Variants in FGD4 observed in about 807,000 individuals in gnomAD.
FGD4 encodes the protein FYVE, RhoGEF and PH domain containing 4.
Under a neutral mutation model 102.0 loss-of-function variants are expected in FGD4, and 42 were observed. The ratio of observed to expected loss-of-function variants is 0.41; its 90% CI spans 0.32 to 0.53. The LOEUF (loss-of-function observed/expected upper bound fraction) is 0.53. FGD4 is among the 20% of genes least tolerant of loss of function. The pLI is 0.21. For missense variants in FGD4, 902 were observed against 1,078.2 expected (o/e 0.84, Z 2.29); for synonymous variants, 380 against 375.7 (o/e 1.01, Z -0.13).
chr12:32,602,711 T>C (rs1948501616), intron 7 of FGD4, among the ~76,000 whole-genome samples: 1 of 152,248 alleles, frequency 6.6e-6, no homozygotes, highest in Admixed American at 6.5e-5. Context: ...GATATCTGTG[T>C]CCTCATTTTC....
intron 4 of FGD4, among the ~76,000 whole-genome samples, chr12:32,585,032 G>A (rs567520306): frequency 7.9e-5 from 12 of 151,660 alleles, no homozygotes; most frequent in Admixed American, 3.3e-4. Flanking sequence ...ACCAACCTGA[G>A]CAACGTGGCA....
intron 1 of FGD4, among the ~76,000 whole-genome samples, chr12:32,500,837 A>C (rs1938163872): frequency 6.6e-6 from 1 of 152,184 alleles, no homozygotes; most frequent in Non-Finnish European, 1.5e-5. Context: ...CTAAATTTGC[A>C]CTAGAATTTT....
At position 32,399,974 on chromosome 12, in the gene FGD4, G is replaced by A; in HGVS notation, c.166+15G>A. 1.4e-6 allele frequency: 2 copies of A among 1,448,630 alleles called. No homozygotes were observed. Among genetic ancestry groups the A allele is most frequent in the Admixed American group, 2.6e-5 (1 of 38,790 alleles). The allele number at this position is 1,448,630 out of a possible 1,614,324, so 89.7% of individuals were successfully genotyped here. A position where few individuals can be genotyped will look rare whatever the true frequency, so the allele number is the denominator to read the frequency against. ...AGGAGCCACAGGTAAGCGCCTCGGGGCGCGGGGGAAGGGTGGCCCCGGCGC... is the reference window on the plus strand; with the variant it reads ...AGGAGCCACAGGTAAGCGCCTCGGGACGCGGGGGAAGGGTGGCCCCGGCGC... On this transcript the variant is annotated intron_variant, in intron 1 of 16. Transcript: ENST00000534526.
intron 1 of FGD4, among the ~76,000 whole-genome samples, chr12:32,456,370 T>TA (rs914941844): frequency 4.6e-5 from 7 of 152,306 alleles, no homozygotes; most frequent in Non-Finnish European, 1.0e-4. Flanking sequence ...CAGTTACCCT[T>TA]TAGTCAATCT....
At chr12:32,622,943 G>C (rs956604655) in intron 11 of FGD4, among the ~76,000 whole-genome samples, 2 of 152,158 alleles carry the variant, frequency 1.3e-5, no homozygotes, top group Non-Finnish European at 2.9e-5. Context: ...GAAAGTCAGA[G>C]TGCCATAGGA....
rs115946287 is a variant in FGD4 at position 32,512,521 on chromosome 12, C to T, written c.167-51616C>T. On this transcript the variant is annotated intron_variant, in intron 1 of 16. Transcript: ENST00000534526. ...TCTCAGCCTTCAGTTTCTGGTGCTA[C>T]ATCACTTGGGACTCACACGCCAAGC... 2.0e-3 allele frequency among the ~76,000 whole-genome samples: 311 copies of T among 152,128 alleles called. 3 individuals carry two copies. Among genetic ancestry groups the T allele is most frequent in the African/African-American group, 7.2e-3 (300 of 41,504 alleles).
chr12:32,423,591 CAAAAAA>C (rs35872227), intron 1 of FGD4, among the ~76,000 whole-genome samples: 1 of 72,894 alleles, frequency 1.4e-5, no homozygotes. Flanking sequence ...GACTTCATCT[CAAAAAA>C]AAAAAAAAAA....
chr12:32,623,917 G>C (rs540710691), intron 11 of FGD4, among the ~76,000 whole-genome samples: 26 of 152,196 alleles, frequency 1.7e-4, no homozygotes, highest in African/African-American at 5.8e-4. Flanking sequence ...GTTAGGTTTG[G>C]TATTGCCTAA....
intron 2 of FGD4, among the ~76,000 whole-genome samples, chr12:32,571,056 T>C (rs1460800280): frequency 6.6e-6 from 1 of 152,266 alleles, no homozygotes; most frequent in African/African-American, 2.4e-5. Flanking sequence ...TAAATCATTT[T>C]CTAGTCATTT....
intron 1 of FGD4, among the ~76,000 whole-genome samples, chr12:32,454,760 C>A (rs1347186141): frequency 6.6e-6 from 1 of 152,132 alleles, no homozygotes; most frequent in East Asian, 1.9e-4. Context: ...TTGCTGGTAT[C>A]TTAAATTGAC....
rs146552846 is a variant in FGD4, at chr12:32,621,114, C to T, written c.1922+1244C>T. ...TCCAAGCTGGGCTTGGTGGCTCACACCTGTAATCCCAACACTTTGGGAGGC... is the reference window on the plus strand; with the variant it reads ...TCCAAGCTGGGCTTGGTGGCTCACATCTGTAATCCCAACACTTTGGGAGGC... On this transcript the variant is annotated intron_variant, in intron 11 of 16. Transcript: ENST00000534526. Among the ~76,000 whole-genome samples, 1,144 of 152,100 alleles carry T rather than the reference C, an allele frequency of 7.5e-3. 12 individuals carry two copies. Among genetic ancestry groups the T allele is most frequent in the African/African-American group, 0.026 (1,098 of 41,500 alleles).
chr12:32,566,738 G>T (rs1208000935), intron 2 of FGD4, among the ~76,000 whole-genome samples: 1 of 152,072 alleles, frequency 6.6e-6, no homozygotes, highest in Non-Finnish European at 1.5e-5. Flanking sequence ...CTAACATTTG[G>T]GTGATGGAGG....
chr12:32,442,493 T>TGGTGG (rs1193788647), intron 1 of FGD4, among the ~76,000 whole-genome samples: 1 of 150,548 alleles, frequency 6.6e-6, no homozygotes, highest in African/African-American at 2.4e-5. Flanking sequence ...GGTGTCCTTG[T>TGGTGG]GGTGGGGTGG....
chr12:32,491,300 A>T (rs939327275), intron 1 of FGD4, among the ~76,000 whole-genome samples: 3 of 152,192 alleles, frequency 2.0e-5, no homozygotes, highest in Non-Finnish European at 4.4e-5. Context: ...AAAGAAAATG[A>T]ATTTGCAATT....
intron 1 of FGD4, among the ~76,000 whole-genome samples, chr12:32,525,732 A>C (rs551492882): frequency 1.3e-5 from 2 of 152,184 alleles, no homozygotes; most frequent in East Asian, 3.9e-4. Flanking sequence ...CTGGAGTTCC[A>C]GGTGGGCGTG....
intron 1 of FGD4, among the ~76,000 whole-genome samples, chr12:32,422,217 T>C (rs1190392915): frequency 6.7e-6 from 1 of 149,398 alleles, no homozygotes; most frequent in African/African-American, 2.5e-5. Flanking sequence ...GTTTTCCATC[T>C]CTTAATCTAT....
chr12:32,482,995 T>G (rs1484494758), intron 1 of FGD4, among the ~76,000 whole-genome samples: 1 of 152,210 alleles, frequency 6.6e-6, no homozygotes, highest in African/African-American at 2.4e-5. Flanking sequence ...CATAGCAAGT[T>G]AAGTATACAG....
intron 8 of FGD4, among the ~76,000 whole-genome samples, chr12:32,610,333 T>C (rs1000845075): frequency 6.6e-6 from 1 of 152,224 alleles, no homozygotes. Flanking sequence ...ACACTGTAAG[T>C]TTCAAAGTCT....
intron 1 of FGD4, among the ~76,000 whole-genome samples, chr12:32,423,874 T>C (rs1350658067): frequency 6.7e-6 from 1 of 148,150 alleles, no homozygotes; most frequent in East Asian, 2.0e-4. Flanking sequence ...TTTTTTTTTT[T>C]CTTTTTCTTT....
Sources: gnomAD v4.1 joint callset for allele counts (sites outside exome capture counted in the v4.1 genomes callset) on GRCh38, gnomAD v4.1.1 for gene constraint, MANE v1.5 for transcripts, NCBI Gene and HGNC (gene_info 2026-07-23, HGNC 2026-07-21) for gene names.